TNFRSF1B: variants seen among roughly 807,000 people sequenced by gnomAD.
The protein encoded by TNFRSF1B is tumor necrosis factor receptor superfamily member 1B.
In TNFRSF1B, 19 loss-of-function variants were observed where a neutral mutation model predicts 44.6. The ratio of observed to expected loss-of-function variants is 0.43; its 90% confidence interval spans 0.30 to 0.62. TNFRSF1B has a LOEUF of 0.62. TNFRSF1B is among the 20% of genes least tolerant of loss of function. The pLI is 0.16. For missense variants in TNFRSF1B, 541 were observed against 619.9 expected (o/e 0.87, Z 1.35); for synonymous variants, 252 against 261.1 (o/e 0.97, Z 0.34).
rs111721409 is a variant in TNFRSF1B at position 12,176,269 on chromosome 1, AG to A, written c.78+9102del. The stretch of plus-strand genomic sequence containing the variant: ...AAACCGAATATTAGAGGACAATGTT[AG>A]GACTGTCCCAGCTGTCCTAGCTGGA... On this transcript the variant is annotated intron_variant, in intron 1 of 9. Transcript: ENST00000376259. Among the ~76,000 whole-genome samples the A allele has an allele frequency of 8.1e-3, 1,236 of 152,316 alleles. 14 individuals carry two copies. The highest frequency in any genetic ancestry group is 0.028 in the African/African-American group (1,167 of 41,554).
At chr1:12,201,918 G>A (rs1179067785) in intron 8 of TNFRSF1B, 49 bp from the exon 9 acceptor site, 1 of 1,531,056 alleles carries the variant, frequency 6.5e-7, no homozygotes, top group South Asian at 1.2e-5. Context: ...GGAAGAAAGA[G>A]CTGGCTGGTG....
intron 1 of TNFRSF1B, among the ~76,000 whole-genome samples, chr1:12,175,455 G>A (rs1638633608): frequency 6.6e-6 from 1 of 152,188 alleles, no homozygotes; most frequent in South Asian, 2.1e-4. Context: ...AACTCCTGGG[G>A]AAGGGCTCTG....
In TNFRSF1B at chr1:12,180,788, C is replaced by T. The variant is rs544972274; in HGVS notation, c.79-8008C>T. Among the ~76,000 whole-genome samples, 26 of 152,286 alleles carry T rather than the reference C, an allele frequency of 1.7e-4. No homozygotes were observed. The highest frequency in any genetic ancestry group is 5.5e-4 in the African/African-American group (23 of 41,558). On this transcript the variant is annotated intron_variant, in intron 1 of 9. Coordinates refer to ENST00000376259, the MANE Select transcript of TNFRSF1B (RefSeq NM_001066.3). This position sits in a 1 kb window ranked among gnomAD's most constrained non-coding sequence, Gnocchi z 4.3. ...TCTTTTCTTCCTGGAGCTCGGCCCT[C>T]GGCAGCTCTCAGAAGCTCACCTTCT...
At position 12,177,126 on chromosome 1, in the gene TNFRSF1B, C is replaced by A. The variant is rs1638676678; in HGVS notation, c.78+9957C>A. On this transcript the variant is annotated intron_variant, in intron 1 of 9. Transcript: ENST00000376259. The surrounding 1 kb of genome is among the most constrained non-coding windows in gnomAD (Gnocchi z 4.3). ...CAAGCGATTCTCCCACCTCAGCCTC[C>A]CAAGTAGCTGGGACTACAGGCGTGC... is the stretch of plus-strand genomic sequence containing the variant. Among the ~76,000 whole-genome samples, 1 of 152,166 alleles carries A rather than the reference C, an allele frequency of 6.6e-6. No homozygotes were observed. The highest frequency in any genetic ancestry group is 2.1e-4 in the South Asian group (1 of 4,834).
chr1:12,198,099 G>A (rs1418039078), intron 8 of TNFRSF1B, among the ~76,000 whole-genome samples: 1 of 148,976 alleles, frequency 6.7e-6, no homozygotes, highest in Non-Finnish European at 1.5e-5. Flanking sequence ...TCCAGCCTGG[G>A]CGATAGAGCG....
At position 12,180,758 on chromosome 1, in the gene TNFRSF1B, C is replaced by T. The variant is rs557607034; in HGVS notation, c.79-8038C>T. On this transcript the variant is annotated intron_variant, in intron 1 of 9. Coordinates refer to ENST00000376259, the MANE Select transcript of TNFRSF1B (RefSeq NM_001066.3). This position sits in a 1 kb window ranked among gnomAD's most constrained non-coding sequence, Gnocchi z 4.3. ...GACCGGGTCAGCCTTACTCTTCCAG[C>T]GGGGTCTTTTCTTCCTGGAGCTCGG... 3.2e-4 allele frequency among the ~76,000 whole-genome samples: 48 copies of T among 152,280 alleles called. No homozygotes were observed. Among genetic ancestry groups the T allele is most frequent in the Admixed American group, 2.7e-3 (42 of 15,300 alleles).
chr1:12,206,678 G>T, intron 9 of TNFRSF1B, 62 bp from the exon 10 acceptor site: 1 of 1,486,444 alleles, frequency 6.7e-7, no homozygotes, highest in Non-Finnish European at 9.0e-7. Flanking sequence ...TCTTGGGCAG[G>T]GGTCCCTGGG....
In TNFRSF1B at chr1:12,199,662, AT is replaced by A. The variant is rs1639345185; in HGVS notation, c.901-2303del. ...CATCTGTTCTCAGACCACATCTGGA[AT>A]TGTAGCTCCCTCTGGAGGGAGGCAG... is the stretch of plus-strand genomic sequence containing the variant. On this transcript the variant is annotated intron_variant, in intron 8 of 9. Transcript: ENST00000376259. The surrounding 1 kb of genome is among the most constrained non-coding windows in gnomAD (Gnocchi z 4.0). Among the ~76,000 whole-genome samples, 2 of 152,034 alleles carry A rather than the reference AT, an allele frequency of 1.3e-5. No homozygotes were observed. The highest frequency in any genetic ancestry group is 4.2e-4 in the South Asian group (2 of 4,812).
At chr1:12,190,261 C>A (rs1324049106) in intron 2 of TNFRSF1B, among the ~76,000 whole-genome samples, 1 of 151,984 alleles carries the variant, frequency 6.6e-6, no homozygotes, top group Non-Finnish European at 1.5e-5. Context: ...GAGTTTGAGA[C>A]CAGCCTGGCC....
In TNFRSF1B at chr1:12,180,066, C is replaced by T. The variant is rs1009041213; in HGVS notation, c.79-8730C>T. 6.6e-6 allele frequency among the ~76,000 whole-genome samples: 1 copy of T among 151,716 alleles called. No homozygotes were observed. Among genetic ancestry groups the T allele is most frequent in the African/African-American group, 2.4e-5 (1 of 41,296 alleles). The stretch of plus-strand genomic sequence containing the variant: ...GGTAGATCCCTGCCCAGGGGGGACC[C>T]CCTGGGGAAGGCTGGGAGCATGACC... On this transcript the variant is annotated intron_variant, in intron 1 of 9. Coordinates refer to ENST00000376259, the MANE Select transcript of TNFRSF1B (RefSeq NM_001066.3). This position sits in a 1 kb window ranked among gnomAD's most constrained non-coding sequence, Gnocchi z 4.3.
chr1:12,196,307 A>T (rs1432732754), intron 8 of TNFRSF1B, among the ~76,000 whole-genome samples: 1 of 152,222 alleles, frequency 6.6e-6, no homozygotes, highest in Non-Finnish European at 1.5e-5. Context: ...TCTCAAAAGA[A>T]AAAATAAAAT....
At chr1:12,175,121 G>A (rs535418224) in intron 1 of TNFRSF1B, among the ~76,000 whole-genome samples, 7 of 152,268 alleles carry the variant, frequency 4.6e-5, no homozygotes, top group South Asian at 2.1e-4. Context: ...GAGGGGGGAG[G>A]ACATCTTCCG....
chr1:12,206,694 C>G, intron 9 of TNFRSF1B, 46 bp from the exon 10 acceptor site: 1 of 1,518,140 alleles, frequency 6.6e-7, no homozygotes, highest in Non-Finnish European at 8.9e-7. Context: ...CTGGGCCCCA[C>G]TCCTGGACCC....
At chr1:12,205,502 G>C (rs1042249519) in intron 9 of TNFRSF1B, among the ~76,000 whole-genome samples, 1 of 152,158 alleles carries the variant, frequency 6.6e-6, no homozygotes, top group Non-Finnish European at 1.5e-5. Flanking sequence ...ATTTCAGAGG[G>C]GTGGGGTTGA....
intron 7 of TNFRSF1B, 105 bp downstream of exon 7, chr1:12,194,137 T>C: frequency 1.1e-6 from 1 of 898,356 alleles, no homozygotes; most frequent in African/African-American, 1.7e-5. Context: ...CAGACAGAGC[T>C]GGATATGGGG....
rs1245316629 is a variant in TNFRSF1B, at chr1:12,206,916, T to C, written c.1282T>C (p.Cys428Arg). 1 of 1,614,220 alleles carries C rather than the reference T, an allele frequency of 6.2e-7. No individual in the cohort carries two copies. The highest frequency in any genetic ancestry group is 2.2e-5 in the East Asian group (1 of 44,880). ...DEQVPFSKEE[C>R]AFRSQLETPE... is the part of the protein sequence containing the mutation. ...GCAGGTCCCCTTCTCCAAGGAGGAA[T>C]GTGCCTTTCGGTCACAGCTGGAGAC... Residue 428 changes from cysteine (C) to arginine (R), a missense_variant, in exon 10 of 10, where the codon TGT becomes CGT. Coordinates refer to ENST00000376259, the MANE Select transcript of TNFRSF1B (RefSeq NM_001066.3).
chr1:12,192,887 G>A lies in TNFRSF1B; in HGVS notation c.576G>A (p.Gly192=). ...GCTGTAACGTGGTGGCCATCCCTGG[G>A]AATGCAAGCATGGATGCAGTCTGCA... ...HQICNVVAIP[G]NASMDAVCTS... is the part of the protein sequence containing the mutation. Residue 192 remains glycine (G), a synonymous_variant, in exon 6 of 10, where the codon GGG becomes GGA. Coordinates refer to ENST00000376259, the MANE Select transcript of TNFRSF1B (RefSeq NM_001066.3). 1 of 1,614,022 alleles carries A rather than the reference G, an allele frequency of 6.2e-7. No individual in the cohort carries two copies. The highest frequency in any genetic ancestry group is 8.5e-7 in the Non-Finnish European group (1 of 1,179,944).
At chr1:12,194,514 C>T in intron 7 of TNFRSF1B, 70 bp from the exon 8 acceptor site, 2 of 1,595,420 alleles carry the variant, frequency 1.3e-6, no homozygotes, top group Non-Finnish European at 1.7e-6. Flanking sequence ...GGGCCCCATA[C>T]TGCCCTCCTA....
rs1481856908 is a variant in TNFRSF1B at position 12,171,194 on chromosome 1, A to C, written c.78+4025A>C. ...ATTTTTCCTTTTTTTTTTTTTTTTT[A>C]GTAGAGACCGGGTTTTGCCATGTTG... On this transcript the variant is annotated intron_variant, in intron 1 of 9. Transcript: ENST00000376259. The surrounding 1 kb of genome is among the most constrained non-coding windows in gnomAD (Gnocchi z 4.5). 1.7e-5 allele frequency among the ~76,000 whole-genome samples: 2 copies of C among 114,818 alleles called. No homozygotes were observed. Among genetic ancestry groups the C allele is most frequent in the African/African-American group, 7.3e-5 (2 of 27,230 alleles). The allele number at this position is 114,818 out of a possible 152,430, so 75.3% of individuals were successfully genotyped here. A position where few individuals can be genotyped will look rare whatever the true frequency, so the allele number is the denominator to read the frequency against.
Sources: allele counts gnomAD v4.1 joint callset (sites outside exome capture counted in the v4.1 genomes callset), GRCh38; gene constraint gnomAD v4.1.1; non-coding constraint Gnocchi (gnomAD v3.1); transcripts MANE v1.5; gene names NCBI Gene and HGNC (gene_info 2026-07-23, HGNC 2026-07-21).